Variants in BMPR1B observed in about 807,000 individuals in gnomAD.
BMPR1B encodes the protein bone morphogenetic protein receptor type-1B.
A neutral mutation model predicts 59.1 loss-of-function variants in BMPR1B; 12 were observed. The ratio of observed to expected loss-of-function variants is 0.20; its 90% confidence interval spans 0.13 to 0.33. The LOEUF is 0.33. Among genes scored for constraint, BMPR1B ranks in the 10% least tolerant of loss-of-function variants. The pLI, the probability that BMPR1B is intolerant of heterozygous loss-of-function variation, is 1.00. For synonymous variants in BMPR1B, 237 were observed against 207.3 expected (o/e 1.14, Z -1.23); for missense variants, 550 against 610.9 (o/e 0.90, Z 1.05).
intron 2 of BMPR1B, among the ~76,000 whole-genome samples, chr4:94,880,058 A>G (rs1726898644): frequency 8.9e-6 from 1 of 112,012 alleles, no homozygotes; most frequent in Non-Finnish European, 2.2e-5. Context: ...AATACAAATT[A>G]TTATTATTTT....
intron 10 of BMPR1B, among the ~76,000 whole-genome samples, chr4:95,138,380 G>A (rs1272295390): frequency 6.6e-6 from 1 of 152,124 alleles, no homozygotes; most frequent in East Asian, 1.9e-4. Flanking sequence ...TCACAATTCT[G>A]TGTCTTGGAG....
chr4:95,131,645 C>A, intron 10 of BMPR1B, 133 bp downstream of exon 10: 3 of 1,054,156 alleles, frequency 2.8e-6, no homozygotes, highest in South Asian at 1.5e-5. Flanking sequence ...GGAGAACCAC[C>A]AAACATTTTA....
At chr4:95,038,525 T>A (rs1179556798) in intron 3 of BMPR1B, among the ~76,000 whole-genome samples, 1 of 152,122 alleles carries the variant, frequency 6.6e-6, no homozygotes, top group East Asian at 1.9e-4. Context: ...CAATGTAGAG[T>A]GAGGCCAAAT....
At chr4:95,060,306 T>A (rs562203768) in intron 3 of BMPR1B, among the ~76,000 whole-genome samples, 30 of 152,284 alleles carry the variant, frequency 2.0e-4, no homozygotes, top group Non-Finnish European at 4.0e-4. Flanking sequence ...AACCCCACTT[T>A]CAGAACAAGA....
chr4:94,793,248 A>C (rs983272462), intron 1 of BMPR1B, among the ~76,000 whole-genome samples: 5 of 150,858 alleles, frequency 3.3e-5, no homozygotes, highest in African/African-American at 1.2e-4. Context: ...ATTCCCACCT[A>C]TGAGTGAGAA....
At chr4:95,130,855 G>A (rs181156904) in intron 9 of BMPR1B, among the ~76,000 whole-genome samples, 169 of 150,168 alleles carry the variant, frequency 1.1e-3, no homozygotes, top group Middle Eastern at 0.01. Flanking sequence ...TTAGCTTCCC[G>A]AGTAGTTGGG....
chr4:94,902,249 CAGAGAGAGAGAGAGAGAGAG>C (rs142124519), intron 2 of BMPR1B, among the ~76,000 whole-genome samples: 7,018 of 68,630 alleles, frequency 0.1, 316 homozygotes, highest in Middle Eastern at 0.15. Flanking sequence ...CACACACACA[CAGAGAGAGAGAGAGAGAGAG>C]AGAGAGAGAG....
intron 1 of BMPR1B, among the ~76,000 whole-genome samples, chr4:94,841,446 G>A (rs1725069719): frequency 6.6e-6 from 1 of 152,198 alleles, no homozygotes; most frequent in Admixed American, 6.5e-5. Context: ...CGAGCCAGGT[G>A]TGGGATATAA....
At position 95,152,649 on chromosome 4, in the gene BMPR1B, T is replaced by C. The variant is rs1249589876; in HGVS notation, c.1259T>C (p.Val420Ala). 3.2e-6 allele frequency: 5 copies of C among 1,547,536 alleles called. No homozygotes were observed. Among genetic ancestry groups the C allele is most frequent in the Non-Finnish European group, 3.5e-6 (4 of 1,142,818 alleles). ...VARRCVSGGI[V>A]EEYQLPYHDL... ...AGTAACAACATATTTTTAGGTATAGTGGAAGAATACCAGCTTCCTTATCAT... is the reference window on the plus strand; with the variant it reads ...AGTAACAACATATTTTTAGGTATAGCGGAAGAATACCAGCTTCCTTATCAT... The change falls in exon 12 of 13, where the codon GTG becomes GCG. Residue 420 changes from valine to alanine, a missense_variant. Coordinates refer to ENST00000515059, the MANE Select transcript of BMPR1B (RefSeq NM_001203.3).
intron 2 of BMPR1B, among the ~76,000 whole-genome samples, chr4:94,987,154 AT>A (rs1721468381): frequency 6.9e-6 from 1 of 144,408 alleles, no homozygotes; most frequent in Non-Finnish European, 1.5e-5. Context: ...TAATGTATAT[AT>A]ACATATACAT....
intron 2 of BMPR1B, among the ~76,000 whole-genome samples, chr4:94,902,216 T>TCACACACACACACA (rs748411550): frequency 9.0e-5 from 7 of 77,396 alleles, no homozygotes; most frequent in African/African-American, 1.5e-4. Context: ...GAAATTCAAT[T>TCACACACACACACA]CACACACACA....
chr4:95,011,438 T>C (rs1039021003), intron 3 of BMPR1B, among the ~76,000 whole-genome samples: 1 of 152,152 alleles, frequency 6.6e-6, no homozygotes, highest in African/African-American at 2.4e-5. Flanking sequence ...CTTTTTCTGC[T>C]CCGCCAGCCT....
At chr4:95,143,595 A>G (rs1210078381) in intron 10 of BMPR1B, among the ~76,000 whole-genome samples, 2 of 152,290 alleles carry the variant, frequency 1.3e-5, no homozygotes, top group South Asian at 2.1e-4. Context: ...TTGATTATCA[A>G]TGTAGACCTC....
Position 94,908,646 on chromosome 4 carries a change from GTAAT to G in BMPR1B, c.-113+32752_-113+32755del, listed in dbSNP as rs201460651. Among the ~76,000 whole-genome samples the G allele has an allele frequency of 8.3e-3, 1,263 of 151,986 alleles. 14 individuals carry two copies. The highest frequency in any genetic ancestry group is 0.024 in the African/African-American group (990 of 41,454). Reference sequence around the variant, plus strand: ...AGCTTCAATCCTTTTATTATAGAGAGTAATTAATTTCAAATACTCGGTCATGAAG... The same window carrying G: ...AGCTTCAATCCTTTTATTATAGAGAGTAATTTCAAATACTCGGTCATGAAG... On this transcript the variant is annotated intron_variant, in intron 2 of 12. Transcript: ENST00000515059.
intron 1 of BMPR1B, among the ~76,000 whole-genome samples, chr4:94,868,041 T>G (rs1726317300): frequency 6.6e-6 from 1 of 150,712 alleles, no homozygotes; most frequent in African/African-American, 2.4e-5. Flanking sequence ...TTTTGTATTT[T>G]CAGTAGAGAT....
At chr4:95,060,429 G>A (rs537928686) in intron 3 of BMPR1B, among the ~76,000 whole-genome samples, 2 of 152,254 alleles carry the variant, frequency 1.3e-5, no homozygotes, top group African/African-American at 4.8e-5. Context: ...ATGATGTGTT[G>A]TTTAATAAAA....
chr4:94,759,346 C>T (rs919776232), intron 1 of BMPR1B, among the ~76,000 whole-genome samples: 1 of 152,184 alleles, frequency 6.6e-6, no homozygotes, highest in Non-Finnish European at 1.5e-5. Flanking sequence ...AGCAGAGCCA[C>T]CTGAGAAAAG....
chr4:94,818,709 C>T (rs1197373791), intron 1 of BMPR1B, among the ~76,000 whole-genome samples: 1 of 152,156 alleles, frequency 6.6e-6, no homozygotes, highest in African/African-American at 2.4e-5. Flanking sequence ...CATGTAATTA[C>T]TTATAATTGT....
At chr4:94,840,221 A>T (rs1183647935) in intron 1 of BMPR1B, among the ~76,000 whole-genome samples, 3 of 147,580 alleles carry the variant, frequency 2.0e-5, no homozygotes, top group Admixed American at 2.0e-4. Flanking sequence ...AACTTTGGTG[A>T]ATCTGACAAT....
Sources: gnomAD v4.1 joint callset for allele counts (sites outside exome capture counted in the v4.1 genomes callset) on GRCh38, gnomAD v4.1.1 for gene constraint, MANE v1.5 for transcripts, NCBI Gene and HGNC (gene_info 2026-07-23, HGNC 2026-07-21) for gene names.